The following TRIP12 variants were observed in gnomAD, a reference collection of about 807,000 sequenced individuals.
TRIP12 encodes the protein thyroid hormone receptor interactor 12, also known as E3 ubiquitin-protein ligase TRIP12.
Under a neutral mutation model 244.2 loss-of-function variants are expected in TRIP12, and 25 were observed. That is an observed-to-expected ratio of 0.10 (90% CI 0.07 to 0.14). The LOEUF (loss-of-function observed/expected upper bound fraction) is 0.14. Ranked by LOEUF, TRIP12 falls within the 10% of genes least tolerant of loss-of-function variation. TRIP12 has a pLI of 1.00. For synonymous variants in TRIP12, 905 were observed against 873.1 expected (o/e 1.04, Z -0.64); for missense variants, 1,677 against 2,486.4 (o/e 0.67, Z 6.92).
At position 229,778,133 on chromosome 2, in the gene TRIP12, A is replaced by G. The variant is rs2036890763; in HGVS notation, c.5364+300T>C. On this transcript the variant is annotated intron_variant, in intron 36 of 41. Coordinates refer to ENST00000675903, the MANE Select transcript of TRIP12 (RefSeq NM_001348323.3). The surrounding 1 kb of genome is among the most constrained non-coding windows in gnomAD (Gnocchi z 4.1). ...AGACTTTAAAAAATAAATAATTAAT[A>G]CCACCTTAACTTGCCTGATTATCTG... Among the ~76,000 whole-genome samples, 2 of 152,146 alleles carry G rather than the reference A, an allele frequency of 1.3e-5. No homozygotes were observed. Among genetic ancestry groups the G allele is most frequent in the Non-Finnish European group, 2.9e-5 (2 of 68,028 alleles).
chr2:229,915,203 A>C (rs1050331783), intron 1 of TRIP12, among the ~76,000 whole-genome samples: 5 of 152,162 alleles, frequency 3.3e-5, no homozygotes, highest in Admixed American at 3.3e-4. Context: ...AAGTGAGCCA[A>C]GATTGCGCCA....
At chr2:229,864,940 T>C (rs763764088) in intron 2 of TRIP12, among the ~76,000 whole-genome samples, 2 of 152,168 alleles carry the variant, frequency 1.3e-5, no homozygotes, top group Admixed American at 1.3e-4. Context: ...TCAAATCCTT[T>C]ACAGTAGTCC....
At chr2:229,822,509 G>A (rs1281783591) in intron 8 of TRIP12, among the ~76,000 whole-genome samples, 2 of 152,210 alleles carry the variant, frequency 1.3e-5, no homozygotes, top group Admixed American at 1.3e-4. Flanking sequence ...GGTGAAATTA[G>A]TCATACCAAA....
intron 4 of TRIP12, among the ~76,000 whole-genome samples, chr2:229,853,296 T>C (rs1257495518): frequency 6.6e-6 from 1 of 152,092 alleles, no homozygotes; most frequent in African/African-American, 2.4e-5. Context: ...CTACTAAGAT[T>C]TGTATTAATC....
intron 4 of TRIP12, 91 bp from the exon 5 acceptor site, chr2:229,841,018 A>G: frequency 2.2e-6 from 2 of 899,712 alleles, no homozygotes; most frequent in Non-Finnish European, 3.4e-6. Context: ...CATGTTCAAA[A>G]CTTCACAGAA....
chr2:229,770,196 C>T (rs866211865), intron 39 of TRIP12, among the ~76,000 whole-genome samples: 5 of 152,038 alleles, frequency 3.3e-5, no homozygotes, highest in African/African-American at 4.8e-5. Flanking sequence ...CTTAAATTTC[C>T]GAGCTCAAGT....
intron 32 of TRIP12, among the ~76,000 whole-genome samples, chr2:229,788,233 T>C (rs6716196): frequency 0.033 from 5,013 of 152,338 alleles, 272 homozygotes; most frequent in African/African-American, 0.11. Context: ...CTTAAGTCGA[T>C]AGATCATCTT....
intron 1 of TRIP12, among the ~76,000 whole-genome samples, chr2:229,895,337 A>C (rs1260989117): frequency 1.3e-5 from 2 of 152,054 alleles, no homozygotes; most frequent in Admixed American, 1.3e-4. Context: ...TAAGATATGC[A>C]GAGAATAAAG....
chr2:229,775,398 A>G (rs1341305330), intron 37 of TRIP12, among the ~76,000 whole-genome samples: 1 of 151,528 alleles, frequency 6.6e-6, no homozygotes, highest in Non-Finnish European at 1.5e-5. Flanking sequence ...AAAAAAAAAA[A>G]AAAAAGAAAG....
In TRIP12 at chr2:229,879,929, A is replaced by T; in HGVS notation, c.98+53T>A. On this transcript the variant is annotated intron_variant, in intron 2 of 41. Coordinates refer to ENST00000675903, the MANE Select transcript of TRIP12 (RefSeq NM_001348323.3). Reference sequence around the variant, plus strand: ...TTTGGACCTCGCAAGGAGGCTTAAAAATATTTTTTCTTTTATTCCCAATTC... The same window carrying T: ...TTTGGACCTCGCAAGGAGGCTTAAATATATTTTTTCTTTTATTCCCAATTC... 2.5e-6 allele frequency: 4 copies of T among 1,599,258 alleles called. No individual in the cohort carries two copies. In the East Asian group the frequency reaches 8.9e-5, roughly 36 times the overall value.
intron 38 of TRIP12, among the ~76,000 whole-genome samples, chr2:229,772,079 C>T (rs2034548022): frequency 1.3e-5 from 2 of 152,150 alleles, no homozygotes; most frequent in African/African-American, 4.8e-5. Flanking sequence ...TTCTTAGAAC[C>T]CAACCTGTCT....
chr2:229,783,285 T>C (rs1463921682), intron 34 of TRIP12, among the ~76,000 whole-genome samples: 2 of 152,228 alleles, frequency 1.3e-5, no homozygotes, highest in Admixed American at 1.3e-4. Context: ...CAGTGTCTAT[T>C]GCCACTTTCA....
chr2:229,821,164 T>C (rs952431793), intron 8 of TRIP12, among the ~76,000 whole-genome samples: 6 of 152,204 alleles, frequency 3.9e-5, no homozygotes, highest in Non-Finnish European at 7.3e-5. Flanking sequence ...ATTAGGAGTA[T>C]GTGGCAGTGA....
intron 4 of TRIP12, among the ~76,000 whole-genome samples, 170 bp from the exon 5 acceptor site, chr2:229,841,097 A>G (rs922910370): frequency 1.3e-5 from 2 of 152,166 alleles, no homozygotes; most frequent in Non-Finnish European, 2.9e-5. Flanking sequence ...GAAAAAGCTA[A>G]TGGTACTTGG....
Position 229,829,178 on chromosome 2 carries a change from A to G in TRIP12, c.1450+15T>C. ...AATTATTGAGGGATTTCAGGGAAGG[A>G]ACATTTTTACTTACTAGCTCCACTT... is the stretch of plus-strand genomic sequence containing the variant. On this transcript the variant is annotated intron_variant, in intron 8 of 41. Coordinates refer to ENST00000675903, the MANE Select transcript of TRIP12 (RefSeq NM_001348323.3). 1 of 1,611,858 alleles carries G rather than the reference A, an allele frequency of 6.2e-7. No individual in the cohort carries two copies. The highest frequency in any genetic ancestry group is 8.5e-7 in the Non-Finnish European group (1 of 1,178,344).
At chr2:229,922,732 C>T (rs1430354838), upstream of TRIP12, 1 of 957,538 alleles carries the variant, frequency 1.0e-6, no homozygotes, top group East Asian at 2.8e-5. Flanking sequence ...AGTCCCGGCT[C>T]CGCGCCGGGA....
chr2:229,842,106 CTA>C (rs2056564003), intron 4 of TRIP12, among the ~76,000 whole-genome samples: 1 of 152,180 alleles, frequency 6.6e-6, no homozygotes, highest in Non-Finnish European at 1.5e-5. Context: ...GACATCTAAA[CTA>C]TATCTTTTGG....
chr2:229,836,081 C>A (rs1261017445), intron 6 of TRIP12, among the ~76,000 whole-genome samples: 2 of 152,254 alleles, frequency 1.3e-5, no homozygotes, highest in East Asian at 3.9e-4. Flanking sequence ...TATGATCAAC[C>A]ACAGACATTA....
At chr2:229,849,648 A>T (rs780008560) in intron 4 of TRIP12, among the ~76,000 whole-genome samples, 2 of 152,136 alleles carry the variant, frequency 1.3e-5, no homozygotes, top group Non-Finnish European at 2.9e-5. Flanking sequence ...GGATCGCTTG[A>T]GTCCAGGAGT....
Sources: allele counts gnomAD v4.1 joint callset (sites outside exome capture counted in the v4.1 genomes callset), GRCh38; gene constraint gnomAD v4.1.1; non-coding constraint Gnocchi (gnomAD v3.1); transcripts MANE v1.5; gene names NCBI Gene and HGNC (gene_info 2026-07-23, HGNC 2026-07-21).